Variants in ASXL2 observed in about 807,000 individuals in gnomAD.
ASXL2 encodes ASXL transcriptional regulator 2, also known as putative Polycomb group protein ASXL2.
ASXL2 carries 23 observed loss-of-function variants against 122.0 expected under a neutral mutation model. That is an observed-to-expected ratio of 0.19 (90% CI 0.14 to 0.27). The LOEUF is 0.27. Ranked by LOEUF, ASXL2 falls within the 10% of genes least tolerant of loss-of-function variation. ASXL2 has a pLI of 1.00. For synonymous variants in ASXL2, 650 were observed against 637.0 expected (o/e 1.02, Z -0.31); for missense variants, 1,518 against 1,713.8 (o/e 0.89, Z 2.02).
At chr2:25,843,285 CAG>C (rs1490255749) in intron 2 of ASXL2, among the ~76,000 whole-genome samples, 4 of 133,952 alleles carry the variant, frequency 3.0e-5, no homozygotes, top group African/African-American at 1.1e-4. Flanking sequence ...CTGGGCGACA[CAG>C]AGAGACTTCG....
intron 4 of ASXL2, among the ~76,000 whole-genome samples, chr2:25,802,397 T>C (rs1406539457): frequency 6.6e-6 from 1 of 152,170 alleles, no homozygotes; most frequent in Non-Finnish European, 1.5e-5. Flanking sequence ...GTATGAAATA[T>C]ATATTTGGTT....
intron 5 of ASXL2, among the ~76,000 whole-genome samples, chr2:25,789,243 C>T (rs1413633499): frequency 3.3e-5 from 5 of 150,600 alleles, no homozygotes; most frequent in Non-Finnish European, 7.4e-5. Flanking sequence ...TACCCATTGC[C>T]CCAAAATAAC....
chr2:25,771,305 T>C (rs1034144554), intron 6 of ASXL2, 135 bp downstream of exon 6: 14 of 649,894 alleles, frequency 2.2e-5, no homozygotes, highest in Middle Eastern at 2.8e-4. Flanking sequence ...TAAAACCACA[T>C]TGGGCTACTG....
At chr2:25,804,375 C>T (rs575919805) in intron 4 of ASXL2, among the ~76,000 whole-genome samples, 8 of 152,334 alleles carry the variant, frequency 5.3e-5, no homozygotes, top group African/African-American at 1.9e-4. Context: ...TACAACTGGC[C>T]AATCATTTGA....
chr2:25,756,829 C>G (rs1406575514), intron 9 of ASXL2, among the ~76,000 whole-genome samples: 4 of 152,190 alleles, frequency 2.6e-5, no homozygotes, highest in African/African-American at 9.7e-5. Context: ...AGGCAGTCAG[C>G]TGGAAATTGC....
intron 3 of ASXL2, among the ~76,000 whole-genome samples, chr2:25,812,155 A>G (rs1444489877): frequency 7.1e-6 from 1 of 140,512 alleles, no homozygotes; most frequent in Non-Finnish European, 1.6e-5. Context: ...GTGAGTCTAT[A>G]ATTATTTCAA....
chr2:25,812,115 G>A (rs1451782495), intron 3 of ASXL2, among the ~76,000 whole-genome samples: 3 of 151,692 alleles, frequency 2.0e-5, no homozygotes, highest in Non-Finnish European at 4.4e-5. Flanking sequence ...ACTGTACATG[G>A]GACCCTAGGT....
chr2:25,870,219 T>C (rs2149203791), intron 1 of ASXL2, among the ~76,000 whole-genome samples: 1 of 152,128 alleles, frequency 6.6e-6, no homozygotes, highest in African/African-American at 2.4e-5. Context: ...GTACAAAAAA[T>C]AAAAATTTTT....
chr2:25,813,718 A>G (rs2089200213), intron 3 of ASXL2, among the ~76,000 whole-genome samples: 3 of 152,250 alleles, frequency 2.0e-5, no homozygotes, highest in Admixed American at 2.0e-4. Flanking sequence ...ATGAAAGTAA[A>G]TGGCACACAC....
At chr2:25,835,424 T>A in intron 3 of ASXL2, 114 bp downstream of exon 3, 1 of 190,544 alleles carries the variant, frequency 5.2e-6, no homozygotes. Flanking sequence ...TCTGGACTAA[T>A]TATTTAGTTT....
intron 1 of ASXL2, among the ~76,000 whole-genome samples, chr2:25,868,909 A>G (rs576645408): frequency 2.0e-5 from 3 of 152,228 alleles, no homozygotes; most frequent in African/African-American, 4.8e-5. Flanking sequence ...TCACGTCTGT[A>G]ATCCCAGCAC....
chr2:25,746,930 G>A (rs950179095), intron 12 of ASXL2, among the ~76,000 whole-genome samples: 5 of 152,138 alleles, frequency 3.3e-5, no homozygotes, highest in African/African-American at 1.2e-4. Flanking sequence ...ATGGGGGATT[G>A]GTTCTAGGAC....
At chr2:25,876,640 T>C (rs1467174240) in intron 1 of ASXL2, among the ~76,000 whole-genome samples, 1 of 152,228 alleles carries the variant, frequency 6.6e-6, no homozygotes, top group Non-Finnish European at 1.5e-5. Context: ...AAAGAGGTCT[T>C]GAGGTATACT....
At chr2:25,804,694 T>TGTTCGTA (rs1426737375) in intron 4 of ASXL2, among the ~76,000 whole-genome samples, 3 of 152,216 alleles carry the variant, frequency 2.0e-5, no homozygotes, top group Non-Finnish European at 4.4e-5. Flanking sequence ...TTGGTTTTCC[T>TGTTCGTA]GTTCGTAAGT....
At chr2:25,796,803 G>C (rs62127685) in intron 5 of ASXL2, among the ~76,000 whole-genome samples, 22,863 of 152,180 alleles carry the variant, frequency 0.15, 2,170 homozygotes, top group Non-Finnish European at 0.22. Context: ...CTAGAATGTT[G>C]TCTGGTGTGG....
At chr2:25,768,334 C>T (rs1350821477) in intron 7 of ASXL2, among the ~76,000 whole-genome samples, 1 of 152,066 alleles carries the variant, frequency 6.6e-6, no homozygotes, top group Non-Finnish European at 1.5e-5. Flanking sequence ...AACAGTGTCT[C>T]GCTCTGTCAT....
chr2:25,746,788 ATTTCTT>A (rs550521281), intron 12 of ASXL2, among the ~76,000 whole-genome samples: 293 of 152,326 alleles, frequency 1.9e-3, no homozygotes, highest in African/African-American at 6.9e-3. Context: ...AATAAATCAT[ATTTCTT>A]TTTAAGTACA....
rs758020235 is a variant in ASXL2, at chr2:25,744,325, C to T, written c.2012G>A (p.Arg671Lys). 1.2e-6 allele frequency: 2 copies of T among 1,613,804 alleles called. No homozygotes were observed. Among genetic ancestry groups the T allele is most frequent in the Non-Finnish European group, 1.7e-6 (2 of 1,179,860 alleles). ...TGCGGCGGCAGCGGCAGCTGCTGCCCTCTGTGCTTTGACCAGTTGGGCTTT... is the reference window on the plus strand; with the variant it reads ...TGCGGCGGCAGCGGCAGCTGCTGCCTTCTGTGCTTTGACCAGTTGGGCTTT... ...KAKAQLVKAQ[R>K]AAAAAAAAAA... The change falls in exon 13 of 13, where the codon AGG becomes AAG. Residue 671 changes from arginine to lysine, a missense_variant. Around this residue, in one of 8 missense-constraint regions of ASXL2, gnomAD observed 48 missense variants for 82.1 expected, o/e 0.58. Transcript: ENST00000435504. The surrounding 1 kb of genome is among the most constrained non-coding windows in gnomAD (Gnocchi z 4.7).
At chr2:25,801,169 A>C (rs1263312714) in intron 4 of ASXL2, among the ~76,000 whole-genome samples, 4 of 152,202 alleles carry the variant, frequency 2.6e-5, no homozygotes, top group Non-Finnish European at 5.9e-5. Context: ...TCCTGAGCTT[A>C]AGCAATCCTC....
Sources: gnomAD v4.1 joint callset for allele counts (sites outside exome capture counted in the v4.1 genomes callset) on GRCh38, gnomAD v4.1.1 for gene constraint, gnomAD v4.1.1 regional missense constraint, Gnocchi (gnomAD v3.1) non-coding constraint, MANE v1.5 for transcripts, NCBI Gene and HGNC (gene_info 2026-07-23, HGNC 2026-07-21) for gene names.